Variants in GALNT10 observed in about 807,000 individuals in gnomAD.
GALNT10 encodes the protein polypeptide N-acetylgalactosaminyltransferase 10.
GALNT10 carries 41 observed loss-of-function variants against 75.0 expected under a neutral mutation model. That is an observed-to-expected ratio of 0.55 (90% CI 0.43 to 0.71). The LOEUF (loss-of-function observed/expected upper bound fraction) is 0.71. Ranked by LOEUF, GALNT10 falls within the 30% of genes least tolerant of loss-of-function variation. GALNT10 has a pLI of 0.00. For synonymous variants in GALNT10, 302 were observed against 313.0 expected, an observed-to-expected ratio of 0.96 and a Z score of 0.37; for missense variants, 727 against 818.5, an observed-to-expected ratio of 0.89 and a Z score of 1.36.
intron 1 of GALNT10, among the ~76,000 whole-genome samples, chr5:154,293,611 A>ATTGTTTTTTTTTTTTTTTTT (rs912343114): frequency 1.0e-5 from 1 of 96,704 alleles, no homozygotes; most frequent in Non-Finnish European, 2.3e-5. Flanking sequence ...ATATATATAT[A>ATTGTTTTTTTTTTTTTTTTT]TATTTTTTTT....
At chr5:154,385,292 C>T (rs900115272) in intron 6 of GALNT10, among the ~76,000 whole-genome samples, 1 of 152,206 alleles carries the variant, frequency 6.6e-6, no homozygotes. Flanking sequence ...GGGACGCTGA[C>T]AGTCAGCAGC....
At position 154,417,461 on chromosome 5, in the gene GALNT10, G is replaced by A; in HGVS notation, c.*489G>A. The A allele has an allele frequency of 6.4e-6, 1 of 156,966 alleles. No individual in the cohort carries two copies. The highest frequency in any genetic ancestry group is 6.1e-5 in the Admixed American group (1 of 16,436). 9.7% of individuals were successfully genotyped at this position (156,966 alleles called of 1,614,324 possible). Reference sequence around the variant, plus strand: ...GCAGAAGAGAAAGAAGTCCTCTTGGGGCTTTTTAGTTTCTGCCGTCCTGGG... The same window carrying A: ...GCAGAAGAGAAAGAAGTCCTCTTGGAGCTTTTTAGTTTCTGCCGTCCTGGG... On this transcript the variant is annotated 3_prime_UTR_variant, in exon 12 of 12. Coordinates refer to ENST00000297107, the MANE Select transcript of GALNT10 (RefSeq NM_198321.4).
At chr5:154,345,990 G>C (rs1755117793) in intron 4 of GALNT10, among the ~76,000 whole-genome samples, 1 of 145,700 alleles carries the variant, frequency 6.9e-6, no homozygotes, top group Non-Finnish European at 1.5e-5. Flanking sequence ...GAAGAGCCAG[G>C]GTTTCACCAT....
rs559543336 is a variant in GALNT10 at position 154,301,716 on chromosome 5, T to C, written c.401+3637T>C. Among the ~76,000 whole-genome samples, 4 of 152,296 alleles carry C rather than the reference T, an allele frequency of 2.6e-5. No homozygotes were observed. In the South Asian group the frequency reaches 8.3e-4, roughly 32 times the overall value. ...GGCTTTGAATAAATTTTGATAACTATATTTCAGTCTAATTGGTTTTCTTTA... is the reference window on the plus strand; with the variant it reads ...GGCTTTGAATAAATTTTGATAACTACATTTCAGTCTAATTGGTTTTCTTTA... On this transcript the variant is annotated intron_variant, in intron 3 of 11. Coordinates refer to ENST00000297107, the MANE Select transcript of GALNT10 (RefSeq NM_198321.4).
chr5:154,194,361 G>A (rs1199231473), intron 1 of GALNT10, among the ~76,000 whole-genome samples: 1 of 152,168 alleles, frequency 6.6e-6, no homozygotes, highest in East Asian at 1.9e-4. Flanking sequence ...GTTAAGTATA[G>A]AAATGTAGCC....
intron 3 of GALNT10, among the ~76,000 whole-genome samples, chr5:154,314,428 C>G (rs1754568433): frequency 6.6e-6 from 1 of 152,172 alleles, no homozygotes; most frequent in African/African-American, 2.4e-5. Flanking sequence ...CTGGGAAGGT[C>G]CCTCCTCATT....
At chr5:154,268,410 C>G (rs1048771269) in intron 1 of GALNT10, among the ~76,000 whole-genome samples, 5 of 152,134 alleles carry the variant, frequency 3.3e-5, no homozygotes, top group African/African-American at 1.2e-4. Flanking sequence ...CAACTTCTTA[C>G]CACAGAGGTA....
At chr5:154,390,387 C>T (rs1755875521) in intron 7 of GALNT10, among the ~76,000 whole-genome samples, 2 of 152,158 alleles carry the variant, frequency 1.3e-5, no homozygotes, top group South Asian at 4.1e-4. Flanking sequence ...TAATCTATAA[C>T]CAGATGTACT....
At chr5:154,274,604 C>T (rs1486628881) in intron 1 of GALNT10, among the ~76,000 whole-genome samples, 2 of 152,154 alleles carry the variant, frequency 1.3e-5, no homozygotes, top group Non-Finnish European at 2.9e-5. Context: ...CCACCTCTTC[C>T]TACGTGTTCT....
chr5:154,286,710 C>G (rs965292068), intron 1 of GALNT10, among the ~76,000 whole-genome samples: 3 of 152,198 alleles, frequency 2.0e-5, no homozygotes, highest in African/African-American at 7.2e-5. Flanking sequence ...TGACCTTCCC[C>G]TCTTAGAGAA....
intron 1 of GALNT10, among the ~76,000 whole-genome samples, chr5:154,290,860 G>A (rs1265656928): frequency 1.3e-5 from 2 of 152,204 alleles, no homozygotes; most frequent in African/African-American, 4.8e-5. Context: ...TCTGTAAGAT[G>A]AGCGGAGGTG....
rs910359641 is a variant in GALNT10 at position 154,417,805 on chromosome 5, A to G, written c.*833A>G. On this transcript the variant is annotated 3_prime_UTR_variant, in exon 12 of 12. Coordinates refer to ENST00000297107, the MANE Select transcript of GALNT10 (RefSeq NM_198321.4). ...CGGAAAAGGCCAGGTAGACCTCCAA[A>G]CTAGAAATGCTGGCTGATTTGCCCT... is the stretch of plus-strand genomic sequence containing the variant. The G allele has an allele frequency of 4.6e-5, 7 of 152,196 alleles. No homozygotes were observed. Among genetic ancestry groups the G allele is most frequent in the Non-Finnish European group, 8.8e-5 (6 of 68,062 alleles). The allele number at this position is 152,196 out of a possible 1,614,324, so 9.4% of individuals were successfully genotyped here.
rs1410330679 is a variant in GALNT10, at chr5:154,337,398, A to G, written c.568+7660A>G. 4 of 588,752 alleles carry G rather than the reference A, an allele frequency of 6.8e-6. No homozygotes were observed. In the East Asian group the frequency reaches 1.1e-4, roughly 16 times the overall value. 36.5% of individuals were successfully genotyped at this position (588,752 alleles called of 1,614,324 possible). A position where few individuals can be genotyped will look rare whatever the true frequency, so the allele number is the denominator to read the frequency against. On this transcript the variant is annotated intron_variant, in intron 4 of 11. Transcript: ENST00000297107. ...GCTTGGCTGAGTTCACAAATCTGAT[A>G]TAACCTGTAGCTTCCCCGTCACTTC...
intron 1 of GALNT10, among the ~76,000 whole-genome samples, chr5:154,225,764 T>C (rs1753053630): frequency 6.6e-6 from 1 of 152,236 alleles, no homozygotes; most frequent in Non-Finnish European, 1.5e-5. Flanking sequence ...TCTTTTTGTC[T>C]TACCTTTCTA....
chr5:154,210,304 G>A (rs374614960), intron 1 of GALNT10, among the ~76,000 whole-genome samples: 8 of 152,030 alleles, frequency 5.3e-5, no homozygotes, highest in African/African-American at 1.9e-4. Context: ...CTCATTACAT[G>A]GAGCACTCTT....
chr5:154,401,340 G>A (rs1264304898), intron 7 of GALNT10, among the ~76,000 whole-genome samples: 1 of 152,206 alleles, frequency 6.6e-6, no homozygotes, highest in African/African-American at 2.4e-5. Context: ...TTCAGAAATA[G>A]AGCAGGGTAA....
intron 1 of GALNT10, among the ~76,000 whole-genome samples, chr5:154,266,312 G>T (rs1453852352): frequency 6.6e-6 from 1 of 152,048 alleles, no homozygotes; most frequent in East Asian, 1.9e-4. Context: ...TCAGGCACAT[G>T]CATTGAAACA....
intron 1 of GALNT10, among the ~76,000 whole-genome samples, chr5:154,216,371 G>A (rs543102379): frequency 6.6e-6 from 1 of 152,228 alleles, no homozygotes; most frequent in East Asian, 1.9e-4. Flanking sequence ...AGGGCAGGCT[G>A]TGTTTTTTAA....
chr5:154,212,968 A>T (rs374254225), intron 1 of GALNT10, among the ~76,000 whole-genome samples: 67,450 of 144,104 alleles, frequency 0.47, 15,608 homozygotes, highest in African/African-American at 0.54. Flanking sequence ...ATTCCATCTC[A>T]AAAAAAAAAA....
Sources: gnomAD v4.1 joint callset for allele counts (sites outside exome capture counted in the v4.1 genomes callset) on GRCh38, gnomAD v4.1.1 for gene constraint, MANE v1.5 for transcripts, NCBI Gene and HGNC (gene_info 2026-07-23, HGNC 2026-07-21) for gene names.